The following COL28A1 variants were observed in gnomAD, a reference collection of about 807,000 sequenced individuals.
The protein encoded by COL28A1 is collagen type XXVIII alpha 1 chain.
In COL28A1, 161 loss-of-function variants were observed where a neutral mutation model predicts 150.2. That is an observed-to-expected ratio of 1.07 (90% CI 0.94 to 1.22). The LOEUF is 1.22. Ranked by LOEUF, COL28A1 falls within the 50% of genes most tolerant of loss-of-function variation. The probability of loss-of-function intolerance (pLI) is 0.00; values close to 1 mark genes in which losing one functional copy is unlikely to be tolerated. For missense variants in COL28A1, 1,617 were observed against 1,388.3 expected, an observed-to-expected ratio of 1.16 and a Z score of -2.62; for synonymous variants, 552 against 469.7, an observed-to-expected ratio of 1.18 and a Z score of -2.26.
At position 7,524,292 on chromosome 7, in the gene COL28A1, T is replaced by A. The variant is rs373168421; in HGVS notation, c.682-43A>T. On this transcript the variant is annotated intron_variant, in intron 3 of 34. Coordinates refer to ENST00000399429, the MANE Select transcript of COL28A1 (RefSeq NM_001037763.3). Reference sequence around the variant, plus strand: ...ATGAAGCATTAACTCGATTGATAGTTCTGCCTCCAGCTACTTATTAGTCAT... The same window carrying A: ...ATGAAGCATTAACTCGATTGATAGTACTGCCTCCAGCTACTTATTAGTCAT... 2.8e-6 allele frequency: 3 copies of A among 1,082,536 alleles called. No individual in the cohort carries two copies. The African/African-American group carries it at 4.6e-5, about 17-fold the overall frequency. The allele number at this position is 1,082,536 out of a possible 1,614,324, so 67.1% of individuals were successfully genotyped here.
chr7:7,535,436 T>G (rs1782589893), intron 1 of COL28A1, among the ~76,000 whole-genome samples: 1 of 152,176 alleles, frequency 6.6e-6, no homozygotes, highest in Non-Finnish European at 1.5e-5. Flanking sequence ...TAAAGTATTC[T>G]ATAACTAATT....
intron 14 of COL28A1, among the ~76,000 whole-genome samples, 186 bp from the exon 15 acceptor site, chr7:7,474,855 G>A (rs1347765533): frequency 6.6e-6 from 1 of 152,160 alleles, no homozygotes; most frequent in Non-Finnish European, 1.5e-5. Context: ...AAATACATTA[G>A]TCATAACACT....
chr7:7,437,862 T>C (rs1785455620), intron 21 of COL28A1, among the ~76,000 whole-genome samples: 1 of 152,228 alleles, frequency 6.6e-6, no homozygotes, highest in Non-Finnish European at 1.5e-5. Context: ...ATAACTCTTT[T>C]TTCTTTGTTG....
chr7:7,428,552 A>C (rs879772810), intron 25 of COL28A1, among the ~76,000 whole-genome samples: 1 of 152,200 alleles, frequency 6.6e-6, no homozygotes, highest in Non-Finnish European at 1.5e-5. Context: ...CCTCGAAGAG[A>C]AATGAGACGT....
chr7:7,403,274 A>T (rs1045170376), intron 27 of COL28A1, among the ~76,000 whole-genome samples: 1 of 152,128 alleles, frequency 6.6e-6, no homozygotes, highest in African/African-American at 2.4e-5. Flanking sequence ...CTTTCAGTAC[A>T]ATCAGATCAA....
chr7:7,510,336 G>C (rs1158241532), intron 9 of COL28A1, among the ~76,000 whole-genome samples: 1 of 152,178 alleles, frequency 6.6e-6, no homozygotes. Flanking sequence ...CCAGGCTGGA[G>C]TGCAGTGGCA....
At chr7:7,423,159 T>C (rs753959269) in intron 25 of COL28A1, among the ~76,000 whole-genome samples, 13 of 152,238 alleles carry the variant, frequency 8.5e-5, no homozygotes, top group African/African-American at 2.9e-4. Flanking sequence ...GAATGACAAA[T>C]GCTAAAGCTT....
At chr7:7,465,428 A>T (rs1230467528) in intron 15 of COL28A1, among the ~76,000 whole-genome samples, 3 of 140,346 alleles carry the variant, frequency 2.1e-5, no homozygotes, top group Non-Finnish European at 4.7e-5. Flanking sequence ...ACGAGACTAT[A>T]TCCCCCACCT....
chr7:7,534,987 T>G (rs1782565629), intron 1 of COL28A1, among the ~76,000 whole-genome samples: 1 of 152,182 alleles, frequency 6.6e-6, no homozygotes, highest in African/African-American at 2.4e-5. Flanking sequence ...CGTTTATTAA[T>G]TTGGCATCTT....
chr7:7,523,308 C>A (rs1348108404), intron 4 of COL28A1, among the ~76,000 whole-genome samples: 1 of 151,862 alleles, frequency 6.6e-6, no homozygotes, highest in Non-Finnish European at 1.5e-5. Flanking sequence ...CAGTCATGCA[C>A]CATCACCCCC....
intron 34 of COL28A1, among the ~76,000 whole-genome samples, chr7:7,359,303 A>C (rs377054025): frequency 1.4e-5 from 2 of 145,198 alleles, no homozygotes; most frequent in Non-Finnish European, 3.1e-5. Flanking sequence ...AAAAAAAAAA[A>C]GTAAAATGAA....
Position 7,532,837 on chromosome 7 carries a change from CA to C in COL28A1, c.38del (p.Leu13CysfsTer35). The stretch of plus-strand genomic sequence containing the variant: ...ATACTGTTTGACTCGTAAACGCTGA[CA>C]AAAGCAGGAGATAGAAGACAAAATA... Reference protein sequence around the residue: ...NRYFVFYLLLLSAFTSQTVSG... With the variant: ...NRYFVFYLLLXSAFTSQTVSG... On this transcript the variant is annotated frameshift_variant, in exon 2 of 35. Transcript: ENST00000399429. LOFTEE classifies it high-confidence loss of function. 1.2e-6 allele frequency: 2 copies of C among 1,611,660 alleles called. No individual in the cohort carries two copies. Among genetic ancestry groups the C allele is most frequent in the South Asian group, 1.1e-5 (1 of 90,498 alleles).
chr7:7,497,129 GGAAA>G (rs992145733), intron 11 of COL28A1, among the ~76,000 whole-genome samples: 6 of 147,408 alleles, frequency 4.1e-5, no homozygotes, highest in Non-Finnish European at 7.5e-5. Context: ...AAGGAAGGAA[GGAAA>G]GAAGGATCAA....
chr7:7,464,143 G>C (rs114701901), intron 15 of COL28A1, among the ~76,000 whole-genome samples: 7,227 of 152,144 alleles, frequency 0.048, 612 homozygotes, highest in African/African-American at 0.17. Flanking sequence ...CCCAACACTG[G>C]AGCTCCCTAA....
intron 3 of COL28A1, among the ~76,000 whole-genome samples, chr7:7,529,964 C>G (rs1384792511): frequency 1.3e-5 from 2 of 150,756 alleles, no homozygotes; most frequent in African/African-American, 4.9e-5. Flanking sequence ...AGCTCTATCT[C>G]TGATCTAGGC....
At chr7:7,445,921 T>C (rs1786223556) in intron 18 of COL28A1, among the ~76,000 whole-genome samples, 1 of 151,882 alleles carries the variant, frequency 6.6e-6, no homozygotes, top group South Asian at 2.1e-4. Context: ...TTCAGTGGTA[T>C]GATCTCAGCT....
In COL28A1 at chr7:7,532,924, A is replaced by C; in HGVS notation, c.-37-12T>G. On this transcript the variant is annotated splice_polypyrimidine_tract_variant and intron_variant, in intron 1 of 34. Transcript: ENST00000399429. ...CTGTCTTGTAGCACCTTTAATAGAA[A>C]AGTCAGTTACAAATACTTTAATAAA... 6.6e-7 allele frequency: 1 copy of C among 1,513,096 alleles called. No individual in the cohort carries two copies. The highest frequency in any genetic ancestry group is 8.8e-7 in the Non-Finnish European group (1 of 1,133,600). 93.7% of individuals were successfully genotyped at this position (1,513,096 alleles called of 1,614,324 possible).
the COL28A1 span, among the ~76,000 whole-genome samples, chr7:7,341,912 A>G: frequency 1.3e-5 from 2 of 152,102 alleles, no homozygotes; most frequent in East Asian, 3.9e-4. Context: ...AAGAGAATAT[A>G]TATTCTGCAG....
intron 27 of COL28A1, among the ~76,000 whole-genome samples, chr7:7,413,496 C>T (rs1031643997): frequency 1.3e-5 from 2 of 152,144 alleles, no homozygotes; most frequent in Non-Finnish European, 2.9e-5. Flanking sequence ...AGTACAGCCG[C>T]GCAACTAGTT....
Sources: allele counts gnomAD v4.1 joint callset (sites outside exome capture counted in the v4.1 genomes callset), GRCh38; gene constraint gnomAD v4.1.1; transcripts MANE v1.5; gene names NCBI Gene and HGNC (gene_info 2026-07-23, HGNC 2026-07-21).